Variants in NLK observed in about 807,000 individuals in gnomAD.
NLK encodes nemo like kinase.
A neutral mutation model predicts 59.0 loss-of-function variants in NLK; 11 were observed. That is an observed-to-expected ratio of 0.19 (90% CI 0.12 to 0.31). NLK has a LOEUF of 0.31. Ranked by LOEUF, NLK falls within the 10% of genes least tolerant of loss-of-function variation. The probability of loss-of-function intolerance (pLI) is 1.00; values close to 1 mark genes in which losing one functional copy is unlikely to be tolerated. For missense variants in NLK, 410 were observed against 661.1 expected (o/e 0.62, Z 4.16); for synonymous variants, 235 against 235.9 (o/e 1.00, Z 0.03).
chr17:28,055,742 A>G (rs550804078), intron 1 of NLK, among the ~76,000 whole-genome samples: 2 of 152,342 alleles, frequency 1.3e-5, no homozygotes, highest in Admixed American at 1.3e-4. Flanking sequence ...TACTGGTTTC[A>G]GTATGAGTGA....
intron 3 of NLK, among the ~76,000 whole-genome samples, chr17:28,145,185 A>G (rs1175868148): frequency 6.6e-6 from 1 of 152,178 alleles, no homozygotes. Context: ...TTACCAAAGA[A>G]AATATGATTT....
intron 7 of NLK, among the ~76,000 whole-genome samples, chr17:28,184,388 A>T (rs1040248506): frequency 6.6e-6 from 1 of 152,250 alleles, no homozygotes; most frequent in Admixed American, 6.5e-5. Flanking sequence ...TTCTTGCCAA[A>T]GCATTTAAGA....
intron 1 of NLK, among the ~76,000 whole-genome samples, chr17:28,096,659 A>G (rs1904711423): frequency 6.6e-6 from 1 of 152,218 alleles, no homozygotes; most frequent in Non-Finnish European, 1.5e-5. Context: ...GCCCTTGTGC[A>G]TATTGAAGAC....
At chr17:28,076,408 A>G (rs1167670629) in intron 1 of NLK, among the ~76,000 whole-genome samples, 1 of 152,098 alleles carries the variant, frequency 6.6e-6, no homozygotes, top group Non-Finnish European at 1.5e-5. Context: ...GGCCTCTTTT[A>G]TAAACGGCAC....
At chr17:28,140,321 A>G (rs1042173560) in intron 3 of NLK, among the ~76,000 whole-genome samples, 1 of 152,224 alleles carries the variant, frequency 6.6e-6, no homozygotes, top group African/African-American at 2.4e-5. Flanking sequence ...TTTGTATTTG[A>G]TAATGAAAAG....
chr17:28,148,244 A>AC (rs1369202951), intron 3 of NLK, among the ~76,000 whole-genome samples: 4 of 141,244 alleles, frequency 2.8e-5, no homozygotes, highest in South Asian at 2.5e-4. Context: ...CCCTGCCCCC[A>AC]CCCCCCCACA....
intron 1 of NLK, among the ~76,000 whole-genome samples, chr17:28,092,931 G>A (rs1268208954): frequency 6.6e-6 from 1 of 151,934 alleles, no homozygotes; most frequent in Non-Finnish European, 1.5e-5. Context: ...GAGTAGCTGG[G>A]ACTACAGGCA....
At chr17:28,090,810 G>C (rs943949731) in intron 1 of NLK, among the ~76,000 whole-genome samples, 2 of 152,060 alleles carry the variant, frequency 1.3e-5, no homozygotes, top group African/African-American at 4.8e-5. Flanking sequence ...GGGTTGTATT[G>C]TTTTCAATGA....
intron 5 of NLK, among the ~76,000 whole-genome samples, chr17:28,166,219 T>A (rs61573361): frequency 0.041 from 6,220 of 151,272 alleles, 332 homozygotes; most frequent in African/African-American, 0.13. Context: ...TCTCAAAAAA[T>A]ATATATATAT....
intron 3 of NLK, among the ~76,000 whole-genome samples, chr17:28,145,230 G>A (rs1907196554): frequency 6.6e-6 from 1 of 152,050 alleles, no homozygotes; most frequent in Non-Finnish European, 1.5e-5. Flanking sequence ...TTTTTAATGT[G>A]TGCTTTTGTT....
Position 28,195,004 on chromosome 17 carries a change from C to CACACACACAT in NLK, c.*377_*378insTACACACACA. The CACACACACAT allele has an allele frequency of 6.0e-6, 1 of 166,004 alleles. No individual in the cohort carries two copies. Among genetic ancestry groups the CACACACACAT allele is most frequent in the East Asian group, 1.6e-4 (1 of 6,184 alleles). The allele number at this position is 166,004 out of a possible 1,614,324, so 10.3% of individuals were successfully genotyped here. Reference sequence around the variant, plus strand: ...TTGTTCACACACACACACACACACACACACACACACAAACACAAAGGACAG... The same window carrying CACACACACAT: ...TTGTTCACACACACACACACACACACACACACACATACACACACACAAACACAAAGGACAG... On this transcript the variant is annotated 3_prime_UTR_variant, in exon 11 of 11. Transcript: ENST00000407008.
intron 1 of NLK, among the ~76,000 whole-genome samples, chr17:28,077,332 A>C (rs560566633): frequency 6.6e-6 from 1 of 152,160 alleles, no homozygotes; most frequent in Non-Finnish European, 1.5e-5. Context: ...AGAGAAAATG[A>C]GGAAGATAAA....
intron 7 of NLK, among the ~76,000 whole-genome samples, chr17:28,178,993 C>G (rs1019447514): frequency 6.6e-6 from 1 of 152,168 alleles, no homozygotes; most frequent in Non-Finnish European, 1.5e-5. Context: ...TCATTTAGGG[C>G]CACTCACCCA....
chr17:28,134,301 T>C (rs1469651699), intron 3 of NLK, among the ~76,000 whole-genome samples: 1 of 151,974 alleles, frequency 6.6e-6, no homozygotes, highest in African/African-American at 2.4e-5. Flanking sequence ...CTCAAGAGGC[T>C]GAGGCAGAAG....
rs1908896261 is a variant in NLK at position 28,042,819 on chromosome 17, G to A, written c.-55G>A. ...GAGTGGTTTTTCTTCATTTTTAAAT[G>A]GCCAAATGACAGCTTGACCCAGTTT... On this transcript the variant is annotated 5_prime_UTR_variant, in exon 1 of 11. An upstream start codon of the reference 5' UTR is lost. Transcript: ENST00000407008. 3.0e-6 allele frequency: 4 copies of A among 1,354,798 alleles called. No individual in the cohort carries two copies. The African/African-American group carries it at 4.4e-5, about 15-fold the overall frequency. The allele number at this position is 1,354,798 out of a possible 1,614,324, so 83.9% of individuals were successfully genotyped here.
intron 1 of NLK, among the ~76,000 whole-genome samples, chr17:28,085,473 C>T (rs938958518): frequency 6.6e-6 from 1 of 152,216 alleles, no homozygotes; most frequent in African/African-American, 2.4e-5. Flanking sequence ...GGCATGGTGG[C>T]TCACGCTTGT....
At chr17:28,099,805 C>T (rs1239730627) in intron 1 of NLK, among the ~76,000 whole-genome samples, 1 of 151,686 alleles carries the variant, frequency 6.6e-6, no homozygotes, top group East Asian at 1.9e-4. Flanking sequence ...GTCTCGATCT[C>T]CTGACCTCAT....
intron 1 of NLK, among the ~76,000 whole-genome samples, chr17:28,094,018 G>C (rs1057493839): frequency 2.6e-5 from 4 of 152,060 alleles, no homozygotes. Flanking sequence ...TATTTAATAG[G>C]GTAGCAGAAA....
chr17:28,059,443 G>A (rs1318260376), intron 1 of NLK, among the ~76,000 whole-genome samples: 3 of 151,890 alleles, frequency 2.0e-5, no homozygotes, highest in African/African-American at 7.3e-5. Flanking sequence ...GAATGCTATT[G>A]AACTGTTTAG....
Sources: gnomAD v4.1 joint callset for allele counts (sites outside exome capture counted in the v4.1 genomes callset) on GRCh38, gnomAD v4.1.1 for gene constraint, MANE v1.5 for transcripts, NCBI Gene and HGNC (gene_info 2026-07-23, HGNC 2026-07-21) for gene names.